The following ABCA10 variants were observed in gnomAD, a reference collection of about 807,000 sequenced individuals.
The protein encoded by ABCA10 is ATP binding cassette subfamily A member 10, also known as ATP-binding cassette sub-family A member 10.
Under a neutral mutation model 187.5 loss-of-function variants are expected in ABCA10, and 169 were observed. The ratio of observed to expected loss-of-function variants is 0.90; its 90% CI spans 0.80 to 1.02. ABCA10 has a LOEUF of 1.02. Ranked by LOEUF, ABCA10 falls within the 50% of genes least tolerant of loss-of-function variation. The probability of loss-of-function intolerance (pLI) is 0.00; values close to 1 mark genes in which losing one functional copy is unlikely to be tolerated. For missense variants in ABCA10, 1,727 were observed against 1,812.4 expected, an observed-to-expected ratio of 0.95 and a Z score of 0.86; for synonymous variants, 574 against 601.8, an observed-to-expected ratio of 0.95 and a Z score of 0.68.
intron 32 of ABCA10, 118 bp downstream of exon 32, chr17:69,153,713 T>C (rs1371293749): frequency 8.3e-6 from 12 of 1,453,474 alleles, no homozygotes; most frequent in Non-Finnish European, 1.1e-5. Flanking sequence ...GGTATTTGAA[T>C]CATTTTATTT....
intron 1 of ABCA10, among the ~76,000 whole-genome samples, chr17:69,238,159 CAAA>C (rs60735465): frequency 1.2e-4 from 16 of 135,524 alleles, no homozygotes; most frequent in Non-Finnish European, 1.3e-4. Flanking sequence ...GAGACTCTGT[CAAA>C]AAAAAAAAAA....
chr17:69,221,189 A>G (rs1598124490), intron 5 of ABCA10, among the ~76,000 whole-genome samples: 3 of 152,174 alleles, frequency 2.0e-5, no homozygotes, highest in African/African-American at 7.2e-5. Context: ...AATCTATGTT[A>G]TTTAGTTGAA....
At chr17:69,182,345 T>C (rs1425881931) in intron 21 of ABCA10, 55 bp from the exon 22 acceptor site, 4 of 1,237,856 alleles carry the variant, frequency 3.2e-6, no homozygotes, top group African/African-American at 3.1e-5. Flanking sequence ...AATATATTTA[T>C]TGTATACTTT....
At chr17:69,171,794 A>C (rs1170100377) in intron 25 of ABCA10, among the ~76,000 whole-genome samples, 2 of 152,138 alleles carry the variant, frequency 1.3e-5, no homozygotes, top group African/African-American at 4.8e-5. Context: ...GATAAGAGAA[A>C]ATGACTGTCA....
In ABCA10 at chr17:69,227,114, G is replaced by GATATATATATATATATATATAT. The variant is rs71892045; in HGVS notation, c.-172+30_-172+31insATATATATATATATATATATAT. The GATATATATATATATATATATAT allele has an allele frequency of 3.0e-3, 406 of 137,326 alleles. 4 individuals carry two copies. Among genetic ancestry groups the GATATATATATATATATATATAT allele is most frequent in the East Asian group, 6.1e-3 (28 of 4,606 alleles). 8.5% of individuals were successfully genotyped at this position (137,326 alleles called of 1,614,324 possible). A position where few individuals can be genotyped will look rare whatever the true frequency, so the allele number is the denominator to read the frequency against. On this transcript the variant is annotated intron_variant, in intron 2 of 38. Coordinates refer to ENST00000690296, the MANE Select transcript of ABCA10 (RefSeq NM_001377321.1). ...GGTGGATTTTCATTTATTAATTATG[G>GATATATATATATATATATATAT]ATATATATATATATATATAGTGAAT...
At chr17:69,149,295 G>A (rs1258161629) in intron 37 of ABCA10, 4 of 535,736 alleles carry the variant, frequency 7.5e-6, no homozygotes, top group Non-Finnish European at 6.5e-6. Context: ...CTATAAACTC[G>A]AAAAAGCTCC....
At chr17:69,185,354 T>C (rs1369141901) in intron 20 of ABCA10, 123 bp downstream of exon 20, 2 of 957,686 alleles carry the variant, frequency 2.1e-6, no homozygotes, top group African/African-American at 3.3e-5. Flanking sequence ...ATCAGTTTCC[T>C]TCATTTGAAA....
At chr17:69,170,213 G>T (rs1043620350) in intron 25 of ABCA10, among the ~76,000 whole-genome samples, 2 of 151,246 alleles carry the variant, frequency 1.3e-5, no homozygotes, top group Admixed American at 6.6e-5. Context: ...ACTTGAACCC[G>T]CGAGGTGAAG....
chr17:69,232,300 T>G (rs2074837261), upstream of ABCA10, among the ~76,000 whole-genome samples: 1 of 152,160 alleles, frequency 6.6e-6, no homozygotes. Context: ...CTAGTTGTTT[T>G]GTGGACCCTT....
At chr17:69,231,110 G>A (rs964339436), upstream of ABCA10, among the ~76,000 whole-genome samples, 4 of 152,074 alleles carry the variant, frequency 2.6e-5, no homozygotes, top group African/African-American at 4.8e-5. Context: ...GTCAGAGTCC[G>A]GAAGTCCAAA....
At chr17:69,190,217 A>C (rs1027205738) in intron 18 of ABCA10, 141 bp downstream of exon 18, 10 of 970,408 alleles carry the variant, frequency 1.0e-5, no homozygotes, top group Non-Finnish European at 1.4e-5. Context: ...AGTATTTTCT[A>C]TCTAGTGGAC....
At chr17:69,157,009 A>G (rs1463038918) in intron 27 of ABCA10, 86 bp from the exon 28 acceptor site, 14 of 776,998 alleles carry the variant, frequency 1.8e-5, no homozygotes, top group Middle Eastern at 6.0e-4. Context: ...TTTGTCACAG[A>G]AGATTTGATC....
chr17:69,201,529 A>G lies in ABCA10; in HGVS notation c.1146T>C (p.Ser382=). ...TGGCTTCTTTTCCATGGAATTCTGG[A>G]GACACCGGTTCAAAAGAATCATCAG... ...HSSDDSFEPV[S]PEFHGKEAIR... is the part of the protein sequence containing the mutation. Residue 382 remains serine (S), a synonymous_variant, in exon 10 of 39, where the codon TCT becomes TCC. Coordinates refer to ENST00000690296, the MANE Select transcript of ABCA10 (RefSeq NM_001377321.1). 6.2e-7 allele frequency: 1 copy of G among 1,602,600 alleles called. No homozygotes were observed. Among genetic ancestry groups the G allele is most frequent in the African/African-American group, 1.3e-5 (1 of 74,344 alleles).
intron 1 of ABCA10, among the ~76,000 whole-genome samples, chr17:69,240,311 A>G (rs1264992206): frequency 6.6e-6 from 1 of 152,220 alleles, no homozygotes; most frequent in Non-Finnish European, 1.5e-5. Flanking sequence ...GAAGGAAGTT[A>G]GGAGCAGATC....
intron 1 of ABCA10, among the ~76,000 whole-genome samples, chr17:69,236,683 G>C (rs745483313): frequency 4.0e-4 from 61 of 152,180 alleles, no homozygotes; most frequent in Non-Finnish European, 7.3e-4. Context: ...CCAAATCAAT[G>C]CATTAAATCA....
At chr17:69,168,887 T>C (rs2074274415) in intron 25 of ABCA10, among the ~76,000 whole-genome samples, 1 of 152,220 alleles carries the variant, frequency 6.6e-6, no homozygotes, top group South Asian at 2.1e-4. Context: ...TCTGCCATGA[T>C]TGTGAGGCTT....
upstream of ABCA10, chr17:69,233,771 C>T (rs79858782): frequency 0.043 from 6,568 of 152,336 alleles, 187 homozygotes; most frequent in Non-Finnish European, 0.067. Context: ...AAGACCAGTA[C>T]AGCTGTCTCA....
chr17:69,223,065 GGTAGGGGAGGAGAGGAA>G (rs1434002472), intron 3 of ABCA10, among the ~76,000 whole-genome samples: 1 of 151,838 alleles, frequency 6.6e-6, no homozygotes, highest in East Asian at 1.9e-4. Flanking sequence ...GAGGAGAGGG[GGTAGGGGAGGAGAGGAA>G]GTAGTGGTGA....
rs2074802029 is a variant in ABCA10, at chr17:69,227,257, A to C, written c.-284T>G. The C allele has an allele frequency of 6.6e-6, 1 of 151,634 alleles. No individual in the cohort carries two copies. The highest frequency in any genetic ancestry group is 2.1e-4 in the South Asian group (1 of 4,808). 9.4% of individuals were successfully genotyped at this position (151,634 alleles called of 1,614,324 possible). A position where few individuals can be genotyped will look rare whatever the true frequency, so the allele number is the denominator to read the frequency against. On this transcript the variant is annotated 5_prime_UTR_variant, in exon 2 of 39. Transcript: ENST00000690296. ...TAACCATTTTGTCCTGTTCATTAACAGGGTAAAGTAAATATTGCAGAGCAA... is the reference window on the plus strand; with the variant it reads ...TAACCATTTTGTCCTGTTCATTAACCGGGTAAAGTAAATATTGCAGAGCAA...
Sources: allele counts gnomAD v4.1 joint callset (sites outside exome capture counted in the v4.1 genomes callset), GRCh38; gene constraint gnomAD v4.1.1; transcripts MANE v1.5; gene names NCBI Gene and HGNC (gene_info 2026-07-23, HGNC 2026-07-21).